The following PPP1R8 variants were observed in gnomAD, a reference collection of about 807,000 sequenced individuals.
PPP1R8 encodes protein phosphatase 1 regulatory subunit 8, also known as nuclear inhibitor of protein phosphatase 1.
In PPP1R8, 4 loss-of-function variants were observed where a neutral mutation model predicts 31.3. The ratio of observed to expected loss-of-function variants is 0.13; its 90% CI spans 0.06 to 0.29. The LOEUF is 0.29. Among genes scored for constraint, PPP1R8 ranks in the 10% least tolerant of loss-of-function variants. The pLI is 1.00. For synonymous variants in PPP1R8, 170 were observed against 169.7 expected (o/e 1.00, Z -0.01); for missense variants, 254 against 440.1 (o/e 0.58, Z 3.78).
chr1:27,834,073 G>T (rs1260185664), intron 2 of PPP1R8, among the ~76,000 whole-genome samples: 1 of 152,182 alleles, frequency 6.6e-6, no homozygotes, highest in East Asian at 1.9e-4. Flanking sequence ...TTGCTGAATA[G>T]CACAAAGCTT....
intron 5 of PPP1R8, among the ~76,000 whole-genome samples, chr1:27,844,708 T>TC (rs1216113976): frequency 6.5e-5 from 8 of 124,028 alleles, no homozygotes; most frequent in African/African-American, 2.6e-4. Flanking sequence ...AATTTCTTTT[T>TC]TTTTTTTTTT....
In PPP1R8 at chr1:27,850,581, T is replaced by C; in HGVS notation, c.*135T>C. 1 of 790,772 alleles carries C rather than the reference T, an allele frequency of 1.3e-6. No homozygotes were observed. Among genetic ancestry groups the C allele is most frequent in the Non-Finnish European group, 2.0e-6 (1 of 508,810 alleles). 49.0% of individuals were successfully genotyped at this position (790,772 alleles called of 1,614,324 possible). The stretch of plus-strand genomic sequence containing the variant: ...AGAATGTCTCCTGGCATCCTAACCA[T>C]GTAATATGACAATTGGGGGTGGGGT... On this transcript the variant is annotated 3_prime_UTR_variant, in exon 7 of 7. Transcript: ENST00000311772.
chr1:27,851,664 A>G lies in PPP1R8; in HGVS notation c.*1218A>G. On this transcript the variant is annotated 3_prime_UTR_variant, in exon 7 of 7. Coordinates refer to ENST00000311772, the MANE Select transcript of PPP1R8 (RefSeq NM_014110.5). ...TATATTACAAATAAAGATGCCCTAA[A>G]TGAGTGTGGAAATTCTAATGAGAGA... 2.1e-6 allele frequency: 1 copy of G among 468,282 alleles called. No homozygotes were observed. Among genetic ancestry groups the G allele is most frequent in the South Asian group, 1.5e-5 (1 of 65,286 alleles). 29.0% of individuals were successfully genotyped at this position (468,282 alleles called of 1,614,324 possible).
At position 27,835,017 on chromosome 1, in the gene PPP1R8, C is replaced by CA. The variant is rs199556518; in HGVS notation, c.117+2211dup. Reference sequence around the variant, plus strand: ...TAGGCAACAAAGCAAGACTCCATCTCAAAAAAAAAATTCATTCATTTTAAC... The same window carrying CA: ...TAGGCAACAAAGCAAGACTCCATCTCAAAAAAAAAAATTCATTCATTTTAAC... On this transcript the variant is annotated intron_variant, in intron 2 of 6. Coordinates refer to ENST00000311772, the MANE Select transcript of PPP1R8 (RefSeq NM_014110.5). Among the ~76,000 whole-genome samples the CA allele has an allele frequency of 1.9e-3, 282 of 149,454 alleles. 1 individual carries two copies. Among genetic ancestry groups the CA allele is most frequent in the African/African-American group, 6.6e-3 (271 of 40,814 alleles).
At chr1:27,834,968 A>G (rs1352943196) in intron 2 of PPP1R8, among the ~76,000 whole-genome samples, 3 of 152,188 alleles carry the variant, frequency 2.0e-5, no homozygotes, top group African/African-American at 4.8e-5. Flanking sequence ...CAGTGAGTGG[A>G]GATTGCACCA....
intron 2 of PPP1R8, among the ~76,000 whole-genome samples, chr1:27,836,539 C>T (rs2089167756): frequency 1.3e-5 from 2 of 152,270 alleles, no homozygotes; most frequent in South Asian, 2.1e-4. Context: ...CTCAGCCTCC[C>T]GAGTAGCTGG....
In PPP1R8 at chr1:27,850,463, G is replaced by A. The variant is rs1408699685; in HGVS notation, c.*17G>A. On this transcript the variant is annotated 3_prime_UTR_variant, in exon 7 of 7. Coordinates refer to ENST00000311772, the MANE Select transcript of PPP1R8 (RefSeq NM_014110.5). ...CTGATTTGATATTTTTGGTCATGGAGAAGGGTGGGATTGGGTGGGAATGGG... is the reference window on the plus strand; with the variant it reads ...CTGATTTGATATTTTTGGTCATGGAAAAGGGTGGGATTGGGTGGGAATGGG... 7.9e-6 allele frequency: 4 copies of A among 506,924 alleles called. No individual in the cohort carries two copies. The East Asian group carries it at 1.7e-4, about 22-fold the overall frequency. 31.4% of individuals were successfully genotyped at this position (506,924 alleles called of 1,614,324 possible).
intron 6 of PPP1R8, among the ~76,000 whole-genome samples, chr1:27,847,482 G>A (rs192763263): frequency 1.3e-5 from 2 of 151,392 alleles, no homozygotes; most frequent in East Asian, 3.9e-4. Flanking sequence ...ACTCCAGCCT[G>A]GGCAACAGAG....
chr1:27,842,511 G>A (rs2089233248), intron 4 of PPP1R8, among the ~76,000 whole-genome samples: 1 of 152,084 alleles, frequency 6.6e-6, no homozygotes, highest in Non-Finnish European at 1.5e-5. Flanking sequence ...GGTACTCCCT[G>A]GATCTTCATT....
intron 5 of PPP1R8, among the ~76,000 whole-genome samples, chr1:27,844,710 T>C (rs993345878): frequency 4.0e-5 from 5 of 125,704 alleles, no homozygotes; most frequent in Non-Finnish European, 6.8e-5. Flanking sequence ...TTTCTTTTTT[T>C]TTTTTTTTTT....
chr1:27,831,467 C>A, intron 1 of PPP1R8: 1 of 574,678 alleles, frequency 1.7e-6, no homozygotes, highest in Non-Finnish European at 2.2e-6. Context: ...TTCGAAAGTT[C>A]TTGGGAATAA....
intron 1 of PPP1R8, among the ~76,000 whole-genome samples, chr1:27,831,863 A>G (rs1166810508): frequency 2.0e-5 from 3 of 152,212 alleles, no homozygotes; most frequent in Non-Finnish European, 4.4e-5. Flanking sequence ...TTCATGTGCA[A>G]ATCTAAAGGT....
At chr1:27,845,195 G>T (rs1282941923) in intron 5 of PPP1R8, among the ~76,000 whole-genome samples, 3 of 148,422 alleles carry the variant, frequency 2.0e-5, no homozygotes, top group South Asian at 4.3e-4. Context: ...TCAAGACCAT[G>T]CTGGCTAACA....
At position 27,850,478 on chromosome 1, in the gene PPP1R8, G is replaced by T; in HGVS notation, c.*32G>T. On this transcript the variant is annotated 3_prime_UTR_variant, in exon 7 of 7. Transcript: ENST00000311772. ...TGGTCATGGAGAAGGGTGGGATTGG[G>T]TGGGAATGGGGTGGAAGGGTGATGG... 3.0e-6 allele frequency: 4 copies of T among 1,338,794 alleles called. No homozygotes were observed. The highest frequency in any genetic ancestry group is 2.1e-6 in the Non-Finnish European group (2 of 952,872). 82.9% of individuals were successfully genotyped at this position (1,338,794 alleles called of 1,614,324 possible).
chr1:27,831,327 C>G, intron 1 of PPP1R8: 2 of 993,226 alleles, frequency 2.0e-6, no homozygotes, highest in East Asian at 1.1e-4. Context: ...TGCTGCATCC[C>G]TCGTGCGGCA....
intron 6 of PPP1R8, among the ~76,000 whole-genome samples, chr1:27,848,949 A>G (rs1019133636): frequency 6.6e-6 from 1 of 152,234 alleles, no homozygotes; most frequent in African/African-American, 2.4e-5. Flanking sequence ...CATAATCAAG[A>G]TAGAGAAGAT....
At chr1:27,832,222 CAT>C (rs2089116914) in intron 1 of PPP1R8, among the ~76,000 whole-genome samples, 1 of 152,126 alleles carries the variant, frequency 6.6e-6, no homozygotes. Flanking sequence ...TCAAGGGTAA[CAT>C]ATTCATTTGG....
chr1:27,833,222 A>G (rs576870482), intron 2 of PPP1R8, among the ~76,000 whole-genome samples: 2 of 152,158 alleles, frequency 1.3e-5, no homozygotes, highest in African/African-American at 2.4e-5. Context: ...CCAACTCCTT[A>G]TAAGAAGTAT....
chr1:27,837,656 TC>T (rs1392534907), intron 2 of PPP1R8, among the ~76,000 whole-genome samples: 1 of 150,768 alleles, frequency 6.6e-6, no homozygotes. Context: ...GCGCCTGTAA[TC>T]CCAGCTATTT....
Sources: allele counts gnomAD v4.1 joint callset (sites outside exome capture counted in the v4.1 genomes callset), GRCh38; gene constraint gnomAD v4.1.1; transcripts MANE v1.5; gene names NCBI Gene and HGNC (gene_info 2026-07-23, HGNC 2026-07-21).